Variants in PLA2G6 observed in about 807,000 individuals in gnomAD.
The protein encoded by PLA2G6 is 85/88 kDa calcium-independent phospholipase A2.
In PLA2G6, 62 loss-of-function variants were observed where a neutral mutation model predicts 83.8. The observed-to-expected ratio is 0.74, with a 90% confidence interval of 0.60 to 0.91. The LOEUF (loss-of-function observed/expected upper bound fraction) is 0.91. Among genes scored for constraint, PLA2G6 ranks in the 40% least tolerant of loss-of-function variants. PLA2G6 has a pLI of 0.00. For synonymous variants in PLA2G6, 417 were observed against 449.8 expected (o/e 0.93, Z 0.92); for missense variants, 944 against 1,102.0 (o/e 0.86, Z 2.03).
chr22:38,112,367 C>G, intron 16 of PLA2G6, 62 bp from the exon 17 acceptor site: 1 of 1,586,822 alleles, frequency 6.3e-7, no homozygotes, highest in Non-Finnish European at 8.6e-7. Flanking sequence ...GGGACGCCAG[C>G]TAGGACCAGG....
At position 38,116,165 on chromosome 22, in the gene PLA2G6, G is replaced by A. The variant is rs2087180817; in HGVS notation, c.1789C>T (p.His597Tyr). 1.9e-6 allele frequency: 3 copies of A among 1,613,774 alleles called. No homozygotes were observed. The highest frequency in any genetic ancestry group is 2.5e-6 in the Non-Finnish European group (3 of 1,179,884). Residue 597 changes from histidine to tyrosine, a missense_variant, in exon 13 of 17, where the codon CAC (histidine) becomes TAC (tyrosine). By Grantham distance (83) the His-to-Tyr change is moderately conservative. Coordinates refer to ENST00000332509, the MANE Select transcript of PLA2G6 (RefSeq NM_003560.4). Reference protein sequence around the residue: ...TLSDRQPAELHLFRNYDAPET... With the variant: ...TLSDRQPAELYLFRNYDAPET... ...GGAGCATCGTAGTTCCGGAAGAGGTGGAGTTCAGCCGGCTGCCGGTCAGAC... is the reference window on the plus strand; with the variant it reads ...GGAGCATCGTAGTTCCGGAAGAGGTAGAGTTCAGCCGGCTGCCGGTCAGAC...
At chr22:38,143,438 G>C (rs1318783878) in intron 3 of PLA2G6, 150 bp from the exon 4 acceptor site, 3 of 760,058 alleles carry the variant, frequency 3.9e-6, no homozygotes, top group Non-Finnish European at 7.0e-6. Flanking sequence ...CAGCTAGTTG[G>C]GCTGATTTGA....
intron 1 of PLA2G6, among the ~76,000 whole-genome samples, chr22:38,178,919 T>C (rs577060247): frequency 1.3e-5 from 2 of 152,168 alleles, no homozygotes; most frequent in South Asian, 4.1e-4. Flanking sequence ...CCTGACATCC[T>C]GGAACTTATA....
At chr22:38,135,245 G>A (rs2088480805) in intron 5 of PLA2G6, 161 bp from the exon 6 acceptor site, 2 of 641,636 alleles carry the variant, frequency 3.1e-6, no homozygotes, top group Non-Finnish European at 5.7e-6. Flanking sequence ...AGGCTGTACT[G>A]AGCCCCTCAA....
chr22:38,129,689 G>C (rs965086820), intron 7 of PLA2G6, 127 bp from the exon 8 acceptor site: 1 of 728,212 alleles, frequency 1.4e-6, no homozygotes, highest in Non-Finnish European at 2.5e-6. Context: ...GGGAGACACT[G>C]GAACCCTCCT....
At position 38,145,929 on chromosome 22, in the gene PLA2G6, G is replaced by A. The variant is rs4821748; in HGVS notation, c.210-276C>T. ...TGCTCTGTAACCCAGGCTGGGGTGC[G>A]GTGGTGTGATCATGACTCACTGCAT... On this transcript the variant is annotated intron_variant, in intron 2 of 16. Coordinates refer to ENST00000332509, the MANE Select transcript of PLA2G6 (RefSeq NM_003560.4). The A allele has an allele frequency of 0.34, 151,051 of 443,730 alleles. 26,720 individuals are homozygous for A. Among genetic ancestry groups the A allele is most frequent in the South Asian group, 0.41 (20,050 of 48,554 alleles). The allele number at this position is 443,730 out of a possible 1,614,324, so 27.5% of individuals were successfully genotyped here. A position where few individuals can be genotyped will look rare whatever the true frequency, so the allele number is the denominator to read the frequency against.
At chr22:38,174,497 G>A (rs1219898640) in intron 1 of PLA2G6, among the ~76,000 whole-genome samples, 1 of 152,190 alleles carries the variant, frequency 6.6e-6, no homozygotes, top group Admixed American at 6.5e-5. Context: ...GAGTTCCCTG[G>A]AAGTGACTAC....
At chr22:38,162,240 A>G (rs1409225732) in intron 2 of PLA2G6, among the ~76,000 whole-genome samples, 1 of 151,278 alleles carries the variant, frequency 6.6e-6, no homozygotes, top group Non-Finnish European at 1.5e-5. Context: ...AAAAAAAAAG[A>G]AAGTGAGAGC....
intron 9 of PLA2G6, among the ~76,000 whole-genome samples, chr22:38,127,689 C>G (rs2087949881): frequency 6.6e-6 from 1 of 152,154 alleles, no homozygotes; most frequent in Admixed American, 6.5e-5. Flanking sequence ...AATGGAGGTC[C>G]CTGAGTGGGC....
intron 1 of PLA2G6, among the ~76,000 whole-genome samples, chr22:38,170,127 G>A (rs917380651): frequency 5.2e-4 from 79 of 151,570 alleles, no homozygotes; most frequent in African/African-American, 1.8e-3. Context: ...GAACCCGGGA[G>A]GCAGAGGTTG....
intron 1 of PLA2G6, among the ~76,000 whole-genome samples, chr22:38,174,315 G>A (rs1043698169): frequency 5.3e-5 from 8 of 151,864 alleles, no homozygotes; most frequent in South Asian, 2.1e-4. Flanking sequence ...GGAGAATGGC[G>A]TGAACCCGGG....
At chr22:38,115,185 A>G (rs1461429519) in intron 14 of PLA2G6, among the ~76,000 whole-genome samples, 1 of 152,172 alleles carries the variant, frequency 6.6e-6, no homozygotes, top group Non-Finnish European at 1.5e-5. Context: ...GGGGACAGGC[A>G]TTCCTGTGGG....
At chr22:38,153,020 T>C (rs941107110) in intron 2 of PLA2G6, among the ~76,000 whole-genome samples, 4 of 151,164 alleles carry the variant, frequency 2.6e-5, no homozygotes, top group Non-Finnish European at 5.9e-5. Flanking sequence ...GTGGGTGCCA[T>C]GGACTATAAA....
intron 1 of PLA2G6, among the ~76,000 whole-genome samples, chr22:38,177,255 T>TA (rs1602299143): frequency 6.6e-6 from 1 of 151,590 alleles, no homozygotes; most frequent in East Asian, 1.9e-4. Flanking sequence ...AACACAGGGG[T>TA]CATCTGAGCC....
At chr22:38,181,370 C>G (rs2090840575) in intron 1 of PLA2G6, among the ~76,000 whole-genome samples, 1 of 152,052 alleles carries the variant, frequency 6.6e-6, no homozygotes, top group Non-Finnish European at 1.5e-5. Flanking sequence ...CAAGTGAGCA[C>G]TTAGAGGAGC....
intron 9 of PLA2G6, chr22:38,126,967 T>C: frequency 9.5e-7 from 1 of 1,056,698 alleles, no homozygotes; most frequent in Non-Finnish European, 1.2e-6. Context: ...ACATCCCTCG[T>C]CCTGATCCCA....
intron 12 of PLA2G6, among the ~76,000 whole-genome samples, chr22:38,117,025 A>C (rs1295978663): frequency 6.6e-6 from 1 of 152,068 alleles, no homozygotes; most frequent in African/African-American, 2.4e-5. Context: ...ATAGAAATTA[A>C]TTCCATCATC....
At chr22:38,135,366 T>G in intron 5 of PLA2G6, 2 of 428,088 alleles carry the variant, frequency 4.7e-6, no homozygotes, top group Non-Finnish European at 4.4e-6. Context: ...AAGCCCCAGC[T>G]TCCTCACTGG....
At position 38,128,733 on chromosome 22, in the gene PLA2G6, T is replaced by A. The variant is rs11570697; in HGVS notation, c.1187-303A>T. The stretch of plus-strand genomic sequence containing the variant: ...TCCAGCCAAGAAAGCAGGAATCCCA[T>A]GGCCACATTCAGTGATTCTCAAAAA... On this transcript the variant is annotated intron_variant, in intron 8 of 16. Transcript: ENST00000332509. The surrounding 1 kb of genome is among the most constrained non-coding windows in gnomAD (Gnocchi z 4.4). 2.6e-5 allele frequency among the ~76,000 whole-genome samples: 4 copies of A among 152,326 alleles called. No individual in the cohort carries two copies. The highest frequency in any genetic ancestry group is 9.6e-5 in the African/African-American group (4 of 41,580).
Sources: allele counts gnomAD v4.1 joint callset (sites outside exome capture counted in the v4.1 genomes callset), GRCh38; gene constraint gnomAD v4.1.1; non-coding constraint Gnocchi (gnomAD v3.1); transcripts MANE v1.5; gene names NCBI Gene and HGNC (gene_info 2026-07-23, HGNC 2026-07-21).